Variants in TAFA4 observed in about 807,000 individuals in gnomAD.
The protein encoded by TAFA4 is TAFA chemokine like family member 4.
In TAFA4, 20 loss-of-function variants were observed where a neutral mutation model predicts 21.1. That is an observed-to-expected ratio of 0.95 (90% CI 0.67 to 1.38). The LOEUF (loss-of-function observed/expected upper bound fraction) is 1.38, where lower values mean the gene tolerates loss of function less well. Among genes scored for constraint, TAFA4 ranks in the 40% most tolerant of loss-of-function variants. The pLI is 0.00. For missense variants in TAFA4, 211 were observed against 180.9 expected (o/e 1.17, Z -0.95); for synonymous variants, 71 against 67.4 (o/e 1.05, Z -0.26).
rs531850895 is a variant in TAFA4, at chr3:68,837,274, C to T, written c.130+43456G>A. On this transcript the variant is annotated intron_variant, in intron 3 of 5. Coordinates refer to ENST00000295569, the MANE Select transcript of TAFA4 (RefSeq NM_182522.5). ...GCATCACCCAGCTGGCCTGTTGGAA[C>T]TGCAGAATCTGAGGCCCCACTCCAG... 2.0e-5 allele frequency among the ~76,000 whole-genome samples: 3 copies of T among 152,318 alleles called. No homozygotes were observed. In the East Asian group the frequency reaches 5.8e-4, roughly 29 times the overall value.
At position 68,908,058 on chromosome 3, in the gene TAFA4, C is replaced by A. The variant is rs141812708; in HGVS notation, c.-122-22748G>T. Among the ~76,000 whole-genome samples the A allele has an allele frequency of 2.0e-3, 297 of 152,274 alleles. 1 individual carries two copies. The highest frequency in any genetic ancestry group is 6.4e-3 in the African/African-American group (265 of 41,562). On this transcript the variant is annotated intron_variant, in intron 1 of 5. Coordinates refer to ENST00000295569, the MANE Select transcript of TAFA4 (RefSeq NM_182522.5). ...CAAGAGATTACTATGGTTATAAAAT[C>A]TGGAATTCAGCAAGGCATTCTGACT...
intron 3 of TAFA4, among the ~76,000 whole-genome samples, chr3:68,798,904 G>A (rs1703510998): frequency 6.6e-6 from 1 of 152,108 alleles, no homozygotes. Flanking sequence ...ATTTCAGCGT[G>A]GTCATTGCAA....
intron 3 of TAFA4, among the ~76,000 whole-genome samples, chr3:68,783,942 GA>G (rs565133866): frequency 2.0e-5 from 3 of 151,460 alleles, no homozygotes; most frequent in South Asian, 2.1e-4. Flanking sequence ...GTCTTAAATG[GA>G]AAAAAAAGGT....
At chr3:68,824,966 T>C (rs980035920) in intron 3 of TAFA4, among the ~76,000 whole-genome samples, 2 of 152,196 alleles carry the variant, frequency 1.3e-5, no homozygotes, top group African/African-American at 4.8e-5. Context: ...GTGCAAAGTT[T>C]AATGCTTTTT....
chr3:68,762,039 G>C (rs1355725414), intron 3 of TAFA4, among the ~76,000 whole-genome samples: 2 of 151,798 alleles, frequency 1.3e-5, no homozygotes, highest in Non-Finnish European at 2.9e-5. Flanking sequence ...GAGTTCAAGA[G>C]AGAAATCTGG....
Position 68,880,763 on chromosome 3 carries a change from A to C in TAFA4, c.97T>G (p.Ser33Ala), listed in dbSNP as rs752269129. The change falls in exon 3 of 6, where the codon TCC (serine) becomes GCC (alanine). Residue 33 changes from serine (S) to alanine (A), a missense_variant. Coordinates refer to ENST00000295569, the MANE Select transcript of TAFA4 (RefSeq NM_182522.5). ...YVLMVCCKLM[S>A]ASSQHLRGHA... Reference sequence around the variant, plus strand: ...CCCCGGAGGTGCTGGCTTGAGGCGGACATCAGCTTACAGCACACCATTAAC... The same window carrying C: ...CCCCGGAGGTGCTGGCTTGAGGCGGCCATCAGCTTACAGCACACCATTAAC... The C allele has an allele frequency of 6.2e-7, 1 of 1,613,970 alleles. No individual in the cohort carries two copies. Among genetic ancestry groups the C allele is most frequent in the East Asian group, 2.2e-5 (1 of 44,856 alleles).
intron 1 of TAFA4, chr3:68,913,567 A>C (rs2089979336): frequency 6.6e-6 from 1 of 152,246 alleles, no homozygotes; most frequent in African/African-American, 2.4e-5. Context: ...ATTTAGCAGA[A>C]TGGTTAAAAG....
intron 1 of TAFA4, among the ~76,000 whole-genome samples, chr3:68,886,895 G>A (rs1437375920): frequency 6.6e-6 from 1 of 152,194 alleles, no homozygotes; most frequent in African/African-American, 2.4e-5. Context: ...ATTTCAACAT[G>A]AGTTTTGGAG....
At chr3:68,861,034 C>CA (rs1271205328) in intron 3 of TAFA4, among the ~76,000 whole-genome samples, 1 of 126,854 alleles carries the variant, frequency 7.9e-6, no homozygotes, top group African/African-American at 2.8e-5. Context: ...ATATGCACCC[C>CA]CCCCCCGCCC....
Position 68,833,088 on chromosome 3 carries a change from C to T in TAFA4, c.130+47642G>A, listed in dbSNP as rs115703225. On this transcript the variant is annotated intron_variant, in intron 3 of 5. Coordinates refer to ENST00000295569, the MANE Select transcript of TAFA4 (RefSeq NM_182522.5). ...AGCATAGTATTTGGGCAGAGTGTAC[C>T]ATTCCTCCAGGTATAGTCACTCACA... 2.7e-3 allele frequency among the ~76,000 whole-genome samples: 416 copies of T among 152,336 alleles called. 3 individuals carry two copies. Among genetic ancestry groups the T allele is most frequent in the African/African-American group, 9.8e-3 (406 of 41,572 alleles).
At chr3:68,850,563 T>A (rs971867495) in intron 3 of TAFA4, among the ~76,000 whole-genome samples, 1 of 152,176 alleles carries the variant, frequency 6.6e-6, no homozygotes, top group Non-Finnish European at 1.5e-5. Context: ...TCCGTTTCTT[T>A]ACTTTTCAAT....
chr3:68,896,284 A>G (rs2089788519), intron 1 of TAFA4, among the ~76,000 whole-genome samples: 1 of 152,142 alleles, frequency 6.6e-6, no homozygotes, highest in African/African-American at 2.4e-5. Flanking sequence ...TTAGGTTTTC[A>G]CAAGAGCCCT....
At chr3:68,812,683 T>C (rs950750175) in intron 3 of TAFA4, among the ~76,000 whole-genome samples, 1 of 152,222 alleles carries the variant, frequency 6.6e-6, no homozygotes, top group South Asian at 2.1e-4. Context: ...AGCAAGTCCT[T>C]AGAGACCTAG....
chr3:68,920,176 T>A (rs936093580), intron 1 of TAFA4, among the ~76,000 whole-genome samples: 5 of 152,144 alleles, frequency 3.3e-5, no homozygotes, highest in Admixed American at 1.3e-4. Context: ...GTTAAAGGAA[T>A]GAGTGAGACC....
At position 68,756,350 on chromosome 3, in the gene TAFA4, T is replaced by G. The variant is rs556032146; in HGVS notation, c.131-3332A>C. Among the ~76,000 whole-genome samples, 272 of 152,346 alleles carry G rather than the reference T, an allele frequency of 1.8e-3. 1 individual carries two copies. The highest frequency in any genetic ancestry group is 0.017 in the Middle Eastern group (5 of 294). On this transcript the variant is annotated intron_variant, in intron 3 of 5. Coordinates refer to ENST00000295569, the MANE Select transcript of TAFA4 (RefSeq NM_182522.5). ...CTCAAGTGTGTTCATGATTTTCAGA[T>G]ACATCCATTTACATATAAATTGTTG...
chr3:68,841,331 A>T lies in TAFA4; in HGVS notation c.130+39399T>A, dbSNP rs372499125. ...GAGCGAGACTCCGTCTCAAAAAAAA[A>T]AAAAATAAAAAAAAATAAAATCCAC... On this transcript the variant is annotated intron_variant, in intron 3 of 5. Transcript: ENST00000295569. Among the ~76,000 whole-genome samples, 93 of 150,576 alleles carry T rather than the reference A, an allele frequency of 6.2e-4. 18 individuals are homozygous for T. The highest frequency in any genetic ancestry group is 1.4e-3 in the African/African-American group (55 of 40,560).
intron 1 of TAFA4, among the ~76,000 whole-genome samples, chr3:68,885,922 TCTA>T (rs1259271529): frequency 6.6e-6 from 1 of 152,198 alleles, no homozygotes; most frequent in Non-Finnish European, 1.5e-5. Flanking sequence ...AAAGGATTTT[TCTA>T]CTTAGTGAAC....
intron 1 of TAFA4, among the ~76,000 whole-genome samples, chr3:68,905,255 T>C (rs1251674099): frequency 1.1e-4 from 16 of 146,352 alleles, no homozygotes; most frequent in African/African-American, 2.5e-5. Flanking sequence ...TCCCGCCTCC[T>C]GCCTCCCAGG....
intron 4 of TAFA4, among the ~76,000 whole-genome samples, chr3:68,743,628 A>G (rs765823899): frequency 4.0e-5 from 6 of 151,888 alleles, no homozygotes; most frequent in Non-Finnish European, 8.8e-5. Flanking sequence ...CTCAAATATC[A>G]TAACAATTTC....
Sources: gnomAD v4.1 joint callset for allele counts (sites outside exome capture counted in the v4.1 genomes callset) on GRCh38, gnomAD v4.1.1 for gene constraint, MANE v1.5 for transcripts, NCBI Gene and HGNC (gene_info 2026-07-23, HGNC 2026-07-21) for gene names.